The following TECRL variants were observed in gnomAD, a reference collection of about 807,000 sequenced individuals.
TECRL encodes the protein trans-2,3-enoyl-CoA reductase-like.
TECRL carries 63 observed loss-of-function variants against 52.8 expected under a neutral mutation model. The ratio of observed to expected loss-of-function variants is 1.19; its 90% CI spans 0.97 to 1.47. TECRL has a LOEUF of 1.47. TECRL is among the 40% of genes most tolerant of loss of function. The pLI, the probability that TECRL is intolerant of heterozygous loss-of-function variation, is 0.00. For synonymous variants in TECRL, 164 were observed against 141.9 expected, an observed-to-expected ratio of 1.16 and a Z score of -1.10; for missense variants, 482 against 429.6, an observed-to-expected ratio of 1.12 and a Z score of -1.08.
At chr4:64,315,115 T>C (rs559312238) in intron 4 of TECRL, among the ~76,000 whole-genome samples, 1 of 152,142 alleles carries the variant, frequency 6.6e-6, no homozygotes, top group Non-Finnish European at 1.5e-5. Context: ...ACTGTCCCTG[T>C]CAATAAATTG....
intron 1 of TECRL, 90 bp downstream of exon 1, chr4:64,409,028 G>A (rs767073148): frequency 6.4e-5 from 73 of 1,137,986 alleles, no homozygotes; most frequent in Non-Finnish European, 8.8e-5. Flanking sequence ...CAGAACAGTC[G>A]TGTTAGAATT....
At chr4:64,352,189 C>T (rs1241562774) in intron 2 of TECRL, among the ~76,000 whole-genome samples, 1 of 152,100 alleles carries the variant, frequency 6.6e-6, no homozygotes, top group African/African-American at 2.4e-5. Context: ...ATACCTGAGT[C>T]TACCAATAAC....
At chr4:64,332,426 G>A (rs1375914163) in intron 2 of TECRL, among the ~76,000 whole-genome samples, 3 of 152,248 alleles carry the variant, frequency 2.0e-5, no homozygotes, top group Non-Finnish European at 4.4e-5. Flanking sequence ...ATCTTCTCTG[G>A]AAGGAGATCG....
chr4:64,295,629 T>G (rs1723636992), intron 8 of TECRL, among the ~76,000 whole-genome samples: 1 of 151,662 alleles, frequency 6.6e-6, no homozygotes, highest in African/African-American at 2.4e-5. Flanking sequence ...CTGAAGTAAA[T>G]GATGTTTGAA....
chr4:64,327,249 C>T (rs1286503748), intron 3 of TECRL, among the ~76,000 whole-genome samples: 1 of 151,918 alleles, frequency 6.6e-6, no homozygotes, highest in African/African-American at 2.4e-5. Context: ...ACTGCGACAA[C>T]TATATTTTAC....
chr4:64,405,029 AT>A (rs201429278), intron 1 of TECRL, among the ~76,000 whole-genome samples: 3,485 of 152,172 alleles, frequency 0.023, 143 homozygotes, highest in African/African-American at 0.079. Flanking sequence ...ACAATCTGAT[AT>A]TTTTGTGCTT....
intron 3 of TECRL, among the ~76,000 whole-genome samples, chr4:64,324,293 T>A (rs1344084015): frequency 6.6e-6 from 1 of 152,070 alleles, no homozygotes; most frequent in Non-Finnish European, 1.5e-5. Context: ...GAGATAAATA[T>A]TTTGTTTTAT....
chr4:64,403,062 A>C (rs2035458), intron 1 of TECRL, among the ~76,000 whole-genome samples: 103,260 of 151,292 alleles, frequency 0.68, 36,363 homozygotes, highest in Non-Finnish European at 0.78. Context: ...TTTCTGTGAT[A>C]AACATTCCCC....
At chr4:64,309,261 A>G (rs189446376) in intron 6 of TECRL, among the ~76,000 whole-genome samples, 99 of 152,302 alleles carry the variant, frequency 6.5e-4, no homozygotes, top group African/African-American at 2.3e-3. Flanking sequence ...CTGAAAATAG[A>G]CTTTAAATTG....
chr4:64,304,993 T>A (rs1322912605), intron 7 of TECRL, 173 bp downstream of exon 7: 2 of 430,758 alleles, frequency 4.6e-6, no homozygotes, highest in East Asian at 3.4e-5. Context: ...AATAAAAATA[T>A]ATGAGTCAAA....
In TECRL at chr4:64,306,155, C is replaced by T. The variant is rs538293464; in HGVS notation, c.658-917G>A. On this transcript the variant is annotated intron_variant, in intron 6 of 11. Transcript: ENST00000381210. ...CTTTATTATATGAAACCAAACAAAA[C>T]ACTGGGCCTCTGTCAGTCAGTTAAG... Among the ~76,000 whole-genome samples the T allele has an allele frequency of 2.6e-5, 4 of 152,268 alleles. No individual in the cohort carries two copies. The East Asian group carries it at 7.7e-4, about 29-fold the overall frequency.
At chr4:64,281,619 T>TTAG in intron 9 of TECRL, 60 bp from the exon 10 acceptor site, 1 of 859,480 alleles carries the variant, frequency 1.2e-6, no homozygotes, top group Non-Finnish European at 1.9e-6. Context: ...GATCATATGC[T>TTAG]TATTATATAA....
intron 1 of TECRL, among the ~76,000 whole-genome samples, chr4:64,385,246 T>C (rs182131128): frequency 6.6e-6 from 1 of 152,236 alleles, no homozygotes; most frequent in African/African-American, 2.4e-5. Context: ...GAACAGCATG[T>C]TTGGCCACTT....
At chr4:64,280,485 T>G (rs1722768822) in intron 11 of TECRL, among the ~76,000 whole-genome samples, 1 of 152,164 alleles carries the variant, frequency 6.6e-6, no homozygotes, top group South Asian at 2.1e-4. Flanking sequence ...TTAAAAATTT[T>G]CAATAATAGT....
chr4:64,396,105 G>T (rs372329427), intron 1 of TECRL, among the ~76,000 whole-genome samples: 2 of 151,768 alleles, frequency 1.3e-5, no homozygotes, highest in Non-Finnish European at 2.9e-5. Context: ...CCATGTCTTT[G>T]CTATTGTGAA....
chr4:64,391,372 T>C (rs1271736092), intron 1 of TECRL, among the ~76,000 whole-genome samples: 2 of 151,824 alleles, frequency 1.3e-5, no homozygotes, highest in Admixed American at 1.3e-4. Flanking sequence ...TTTTCACAGC[T>C]GCAGACTTAC....
downstream of TECRL, chr4:64,276,445 T>C (rs188233472): frequency 6.6e-6 from 1 of 152,010 alleles, no homozygotes; most frequent in Non-Finnish European, 1.5e-5. Flanking sequence ...ATAATGTGTG[T>C]ATATATTTTT....
chr4:64,341,170 C>G (rs1358213155), intron 2 of TECRL, among the ~76,000 whole-genome samples: 1 of 152,144 alleles, frequency 6.6e-6, no homozygotes, highest in South Asian at 2.1e-4. Context: ...TAGGTTTTCT[C>G]TGAGCTGTTC....
chr4:64,333,165 T>C (rs1386271564), intron 2 of TECRL, among the ~76,000 whole-genome samples: 1 of 151,754 alleles, frequency 6.6e-6, no homozygotes, highest in African/African-American at 2.4e-5. Flanking sequence ...AATAGAAAAA[T>C]ATTTTTAAAA....
Sources: allele counts gnomAD v4.1 joint callset (sites outside exome capture counted in the v4.1 genomes callset), GRCh38; gene constraint gnomAD v4.1.1; transcripts MANE v1.5; gene names NCBI Gene and HGNC (gene_info 2026-07-23, HGNC 2026-07-21).